The following GRM8 variants were observed in gnomAD, a reference collection of about 807,000 sequenced individuals.
The protein encoded by GRM8 is metabotropic glutamate receptor 8.
GRM8 carries 47 observed loss-of-function variants against 87.2 expected under a neutral mutation model. The ratio of observed to expected loss-of-function variants is 0.54; its 90% CI spans 0.43 to 0.69. The LOEUF (loss-of-function observed/expected upper bound fraction) is 0.69, where lower values mean the gene tolerates loss of function less well. GRM8 is among the 30% of genes least tolerant of loss of function. The pLI, the probability that GRM8 is intolerant of heterozygous loss-of-function variation, is 0.00. For synonymous variants in GRM8, 396 were observed against 404.5 expected (o/e 0.98, Z 0.25); for missense variants, 1,019 against 1,139.2 (o/e 0.89, Z 1.52).
intron 6 of GRM8, among the ~76,000 whole-genome samples, chr7:126,821,744 C>T (rs1325272806): frequency 6.6e-6 from 1 of 152,174 alleles, no homozygotes; most frequent in African/African-American, 2.4e-5. Context: ...TAATACATTG[C>T]ATAACCATGG....
intron 9 of GRM8, among the ~76,000 whole-genome samples, chr7:126,531,823 T>C (rs1814869610): frequency 6.6e-6 from 1 of 152,252 alleles, no homozygotes; most frequent in South Asian, 2.1e-4. Flanking sequence ...GGAAATTTTC[T>C]GTGAATTTGC....
rs979047697 is a variant in GRM8 at position 126,633,772 on chromosome 7, A to G, written c.1358-24274T>C. 8.5e-5 allele frequency among the ~76,000 whole-genome samples: 13 copies of G among 152,102 alleles called. No homozygotes were observed. The South Asian group carries it at 2.7e-3, about 32-fold the overall frequency. ...ACATATAGAATGTTCATATTAATCTATTTATATGTACCATATAAATATTAT... is the reference window on the plus strand; with the variant it reads ...ACATATAGAATGTTCATATTAATCTGTTTATATGTACCATATAAATATTAT... On this transcript the variant is annotated intron_variant, in intron 7 of 10. Transcript: ENST00000339582.
chr7:126,816,924 G>T (rs2151753129), intron 6 of GRM8, among the ~76,000 whole-genome samples: 1 of 151,946 alleles, frequency 6.6e-6, no homozygotes, highest in Admixed American at 6.6e-5. Context: ...TTTGTTTGAA[G>T]AAAATCCCAA....
At chr7:126,534,491 G>A (rs1441056830) in intron 8 of GRM8, among the ~76,000 whole-genome samples, 1 of 152,072 alleles carries the variant, frequency 6.6e-6, no homozygotes, top group East Asian at 1.9e-4. Context: ...TTTCCATGTT[G>A]TGCAAAACAC....
At chr7:127,203,647 G>A (rs1467001910) in intron 2 of GRM8, among the ~76,000 whole-genome samples, 3 of 152,130 alleles carry the variant, frequency 2.0e-5, no homozygotes, top group Admixed American at 6.6e-5. Context: ...AGTGGAGGTT[G>A]CAGTGATCCA....
At chr7:126,605,929 C>T (rs1585199050) in intron 8 of GRM8, among the ~76,000 whole-genome samples, 1 of 152,152 alleles carries the variant, frequency 6.6e-6, no homozygotes, top group East Asian at 1.9e-4. Flanking sequence ...TTTGTCTCTC[C>T]TTCTAATCTG....
rs550895311 is a variant in GRM8 at position 126,474,494 on chromosome 7, C to T, written c.2431-28122G>A. 4.7e-4 allele frequency among the ~76,000 whole-genome samples: 71 copies of T among 152,232 alleles called. 1 individual carries two copies. Among genetic ancestry groups the T allele is most frequent in the Non-Finnish European group, 9.1e-4 (62 of 68,010 alleles). ...ATGTTGCCCAGGCTGGTCTTGAATT[C>T]TTGGGCTCAAATAATCTGCCTGGGA... On this transcript the variant is annotated intron_variant, in intron 9 of 10. Transcript: ENST00000339582.
At chr7:126,947,837 G>A (rs1049539323) in intron 3 of GRM8, among the ~76,000 whole-genome samples, 1 of 152,154 alleles carries the variant, frequency 6.6e-6, no homozygotes, top group Non-Finnish European at 1.5e-5. Flanking sequence ...TGCCATTGGA[G>A]ACTCCTTAAT....
At chr7:126,782,487 G>A (rs1442352793) in intron 6 of GRM8, among the ~76,000 whole-genome samples, 1 of 152,164 alleles carries the variant, frequency 6.6e-6, no homozygotes, top group Admixed American at 6.5e-5. Flanking sequence ...GAATGAGTTT[G>A]CCCATGAGGA....
chr7:126,623,585 C>G (rs1275263190), intron 7 of GRM8, among the ~76,000 whole-genome samples: 1 of 152,170 alleles, frequency 6.6e-6, no homozygotes, highest in Admixed American at 6.5e-5. Context: ...TCCAACACTC[C>G]ATTCACTGGG....
At chr7:126,772,324 G>A (rs1275165024) in intron 6 of GRM8, among the ~76,000 whole-genome samples, 1 of 152,100 alleles carries the variant, frequency 6.6e-6, no homozygotes, top group Non-Finnish European at 1.5e-5. Flanking sequence ...TCAGTCCCTA[G>A]GTCTGGATGG....
intron 3 of GRM8, among the ~76,000 whole-genome samples, chr7:126,944,662 C>CATAACATAAACTAAGCA (rs1807337854): frequency 6.6e-6 from 1 of 151,988 alleles, no homozygotes; most frequent in Admixed American, 6.6e-5. Context: ...CCTCAATACC[C>CATAACATAAACTAAGCA]AAAAGATAAC....
chr7:126,761,565 T>C (rs1817591256), intron 7 of GRM8, among the ~76,000 whole-genome samples: 1 of 152,196 alleles, frequency 6.6e-6, no homozygotes, highest in Admixed American at 6.5e-5. Flanking sequence ...ATTGCTGCCA[T>C]AGTTTCTTTT....
intron 7 of GRM8, among the ~76,000 whole-genome samples, chr7:126,639,092 T>G (rs1401370862): frequency 6.6e-6 from 1 of 152,220 alleles, no homozygotes; most frequent in Admixed American, 6.5e-5. Context: ...AAAATGCGTA[T>G]CTGTCTTTTC....
chr7:126,856,739 T>C (rs969118858), intron 6 of GRM8, among the ~76,000 whole-genome samples: 2 of 152,308 alleles, frequency 1.3e-5, no homozygotes, highest in South Asian at 4.1e-4. Context: ...ATGATAAAAC[T>C]TTGAAGCCCT....
In GRM8 at chr7:126,466,019, T is replaced by A. The variant is rs540999449; in HGVS notation, c.2431-19647A>T. Among the ~76,000 whole-genome samples, 5 of 152,084 alleles carry A rather than the reference T, an allele frequency of 3.3e-5. No homozygotes were observed. The South Asian group carries it at 1.0e-3, about 31-fold the overall frequency. On this transcript the variant is annotated intron_variant, in intron 9 of 10. Transcript: ENST00000339582. Reference sequence around the variant, plus strand: ...AGTTTGCTAATAATGCATTTTAAGTTATAAATGGATATTAATTTAAGTGAA... The same window carrying A: ...AGTTTGCTAATAATGCATTTTAAGTAATAAATGGATATTAATTTAAGTGAA...
At chr7:127,067,420 C>T (rs564885162) in intron 3 of GRM8, among the ~76,000 whole-genome samples, 219 of 152,282 alleles carry the variant, frequency 1.4e-3, no homozygotes, top group Non-Finnish European at 2.5e-3. Context: ...CAGAATTCTA[C>T]CCAATCAAGA....
At chr7:127,117,688 T>C (rs974287975) in intron 2 of GRM8, among the ~76,000 whole-genome samples, 1 of 152,202 alleles carries the variant, frequency 6.6e-6, no homozygotes, top group African/African-American at 2.4e-5. Context: ...CTAAGTTACT[T>C]AAAAATTTAA....
At chr7:126,785,030 A>G (rs1282227598) in intron 6 of GRM8, among the ~76,000 whole-genome samples, 1 of 152,130 alleles carries the variant, frequency 6.6e-6, no homozygotes, top group African/African-American at 2.4e-5. Context: ...GCTTGCGTTC[A>G]GCTTCTATAT....
Sources: gnomAD v4.1 joint callset for allele counts (sites outside exome capture counted in the v4.1 genomes callset) on GRCh38, gnomAD v4.1.1 for gene constraint, MANE v1.5 for transcripts, NCBI Gene and HGNC (gene_info 2026-07-23, HGNC 2026-07-21) for gene names.